The following DNHD1 variants were observed in gnomAD, a reference collection of about 807,000 sequenced individuals.
DNHD1 encodes dynein heavy chain domain 1.
In DNHD1, 383 loss-of-function variants were observed where a neutral mutation model predicts 458.1. That is an observed-to-expected ratio of 0.84 (90% confidence interval 0.77 to 0.91). The LOEUF is 0.91. Ranked by LOEUF, DNHD1 falls within the 40% of genes least tolerant of loss-of-function variation. The probability of loss-of-function intolerance (pLI) is 0.00; values close to 1 mark genes in which losing one functional copy is unlikely to be tolerated. For missense variants in DNHD1, 5,336 were observed against 5,866.1 expected (o/e 0.91, Z 2.95); for synonymous variants, 2,203 against 2,376.9 (o/e 0.93, Z 2.13).
chr11:6,546,121 G>A lies in DNHD1; in HGVS notation c.5182G>A (p.Gly1728Ser). Residue 1728 changes from glycine (G) to serine (S), a missense_variant, in exon 21 of 43, where the codon GGT becomes AGT. By Grantham distance (56) the Gly-to-Ser change is moderately conservative. Around this residue, in one of 4 missense-constraint regions of DNHD1, gnomAD observed 3,932 missense variants for 4,365.6 expected, o/e 0.90. Coordinates refer to ENST00000254579, the MANE Select transcript of DNHD1 (RefSeq NM_144666.3). ...TCAATGCCTGAGCAACTATCTGAATGGTGCCCTGCAGGGTGGTGCCTGGCT... is the reference window on the plus strand; with the variant it reads ...TCAATGCCTGAGCAACTATCTGAATAGTGCCCTGCAGGGTGGTGCCTGGCT... ...EAQCLSNYLN[G>S]ALQGGAWLLL... is the part of the protein sequence containing the mutation. The A allele has an allele frequency of 6.4e-7, 1 of 1,551,518 alleles. No homozygotes were observed. The highest frequency in any genetic ancestry group is 8.7e-7 in the Non-Finnish European group (1 of 1,146,810).
Position 6,562,827 on chromosome 11 carries a change from C to T in DNHD1, c.9520-155C>T, listed in dbSNP as rs55814372. On this transcript the variant is annotated intron_variant, in intron 28 of 42. Coordinates refer to ENST00000254579, the MANE Select transcript of DNHD1 (RefSeq NM_144666.3). ...AACTCACAGACTAATAAGTGACAGA[C>T]CCAGAGCTCAGCCTCTCTCTGTGGC... Among the ~76,000 whole-genome samples, 523 of 152,256 alleles carry T rather than the reference C, an allele frequency of 3.4e-3. 2 individuals are homozygous for T. Among genetic ancestry groups the T allele is most frequent in the Non-Finnish European group, 5.0e-3 (339 of 68,012 alleles).
At chr11:6,526,756 T>G (rs926359889) in intron 10 of DNHD1, among the ~76,000 whole-genome samples, 2 of 152,238 alleles carry the variant, frequency 1.3e-5, no homozygotes, top group African/African-American at 4.8e-5. Context: ...GAGCCCTGAC[T>G]GTTTGGTTTC....
chr11:6,567,000 G>A lies in DNHD1; in HGVS notation c.11491G>A (p.Ala3831Thr), dbSNP rs1853717033. 3.1e-6 allele frequency: 5 copies of A among 1,613,932 alleles called. No individual in the cohort carries two copies. In the African/African-American group the frequency reaches 6.7e-5, roughly 22 times the overall value. ...CCAAGGAAAGCTATGCCAGCTGCGT[G>A]CTCATTGTGAAGAGTTAGAAGGGCA... ...RAQGKLCQLR[A>T]HCEELEGQKL... Residue 3831 changes from alanine (A) to threonine (T), a missense_variant, in exon 36 of 43, where the codon GCT (alanine) becomes ACT (threonine). Physicochemically the swap from Ala to Thr is moderately conservative, Grantham distance 58 (BLOSUM62 0). This residue lies in a region of DNHD1 where 695 missense variants were observed against 804.2 expected (regional missense o/e 0.86). Transcript: ENST00000254579.
In DNHD1 at chr11:6,505,182, A is replaced by C. The variant is rs1266877793; in HGVS notation, c.920+2256A>C. 6.6e-6 allele frequency among the ~76,000 whole-genome samples: 1 copy of C among 151,748 alleles called. No individual in the cohort carries two copies. Among genetic ancestry groups the C allele is most frequent in the Non-Finnish European group, 1.5e-5 (1 of 67,978 alleles). On this transcript the variant is annotated intron_variant, in intron 4 of 42. Transcript: ENST00000254579. The surrounding 1 kb of genome is among the most constrained non-coding windows in gnomAD (Gnocchi z 4.4). The stretch of plus-strand genomic sequence containing the variant: ...TGCAAGGCCCCTCCTCCAACCTCAT[A>C]GCTTCTAATAACCTGAACCTCTTCC...
At position 6,548,902 on chromosome 11, in the gene DNHD1, C is replaced by A; in HGVS notation, c.7356C>A (p.Phe2452Leu). 1 of 1,551,732 alleles carries A rather than the reference C, an allele frequency of 6.4e-7. No individual in the cohort carries two copies. ...HHQDSKPSLL[F>L]LLEDLHLATS... ...AGGATTCTAAACCCTCCCTCCTCTT[C>A]TTGCTGGAGGACCTGCACCTAGCCA... The change falls in exon 24 of 43, where the codon TTC becomes TTA. Residue 2452 changes from phenylalanine to leucine, a missense_variant. Coordinates refer to ENST00000254579, the MANE Select transcript of DNHD1 (RefSeq NM_144666.3). This position sits in a 1 kb window ranked among gnomAD's most constrained non-coding sequence, Gnocchi z 4.4.
In DNHD1 at chr11:6,565,975, G is replaced by T; in HGVS notation, c.11037G>T (p.Gln3679His). ...ACCCAGAGCTGGGTTCTCAGCTCCA[G>T]GAGGCAGCTGCTTGTGGTGAGAGCT... ...GADPELGSQL[Q>H]EAAACGLPVL... is the part of the protein sequence containing the mutation. The change falls in exon 33 of 43, where the codon CAG becomes CAT. Residue 3679 changes from glutamine to histidine, a missense_variant. This residue lies in a region of DNHD1 where 695 missense variants were observed against 804.2 expected (regional missense o/e 0.86). Transcript: ENST00000254579. The T allele has an allele frequency of 6.4e-7, 1 of 1,551,632 alleles. No individual in the cohort carries two copies. Among genetic ancestry groups the T allele is most frequent in the Non-Finnish European group, 8.7e-7 (1 of 1,146,974 alleles).
At chr11:6,550,045 G>C (rs984631937) in intron 24 of DNHD1, among the ~76,000 whole-genome samples, 1 of 152,196 alleles carries the variant, frequency 6.6e-6, no homozygotes, top group South Asian at 2.1e-4. Flanking sequence ...TCTCTTATGA[G>C]ATGTAGAAAA....
chr11:6,551,020 C>T (rs1337380662), intron 24 of DNHD1, among the ~76,000 whole-genome samples: 1 of 152,164 alleles, frequency 6.6e-6, no homozygotes, highest in African/African-American at 2.4e-5. Flanking sequence ...ATTTACAAAA[C>T]ATTATACTCA....
intron 4 of DNHD1, chr11:6,508,503 A>G (rs1852270594): frequency 5.6e-6 from 1 of 177,176 alleles, no homozygotes; most frequent in East Asian, 1.6e-4. Flanking sequence ...TAAAATTGTG[A>G]TGCATCTTAC....
At position 6,533,908 on chromosome 11, in the gene DNHD1, G is replaced by T; in HGVS notation, c.2733G>T (p.Met911Ile). 1 of 1,551,106 alleles carries T rather than the reference G, an allele frequency of 6.4e-7. No homozygotes were observed. The highest frequency in any genetic ancestry group is 8.7e-7 in the Non-Finnish European group (1 of 1,146,864). Residue 911 changes from methionine to isoleucine, a missense_variant, in exon 14 of 43, where the codon ATG (methionine) becomes ATT (isoleucine). Physicochemically the swap from Met to Ile is conservative, Grantham distance 10. Transcript: ENST00000254579. ...CPLLAPQLLD[M>I]WEAFQFEKSQ... ...TGCTTGCCCCACAGCTTCTGGATAT[G>T]TGGGAGGCATTTCAGTTTGAGAAAA...
rs1852763946 is a variant in DNHD1, at chr11:6,528,623, T to G, written c.1939T>G (p.Leu647Val). 6.4e-7 allele frequency: 1 copy of G among 1,551,594 alleles called. No homozygotes were observed. The highest frequency in any genetic ancestry group is 1.4e-5 in the African/African-American group (1 of 73,050). The change falls in exon 11 of 43, where the codon TTG becomes GTG. Residue 647 changes from leucine (L) to valine (V), a missense_variant. By Grantham distance (32) the Leu-to-Val change is conservative. Around this residue, in one of 4 missense-constraint regions of DNHD1, gnomAD observed 3,932 missense variants for 4,365.6 expected, o/e 0.90. Transcript: ENST00000254579. ...CATCTTCTGTGGCCCGAATGTGGGATTGGTGTGGCCCTGGAAGTCTCACCC... is the reference window on the plus strand; with the variant it reads ...CATCTTCTGTGGCCCGAATGTGGGAGTGGTGTGGCCCTGGAAGTCTCACCC... ...VSIFCGPNVG[L>V]VWPWKSHPIA...
rs754468834 is a variant in DNHD1, at chr11:6,546,883, C to G, written c.5944C>G (p.Leu1982Val). 1 of 1,551,748 alleles carries G rather than the reference C, an allele frequency of 6.4e-7. No homozygotes were observed. Among genetic ancestry groups the G allele is most frequent in the Non-Finnish European group, 8.7e-7 (1 of 1,147,010 alleles). Reference protein sequence around the residue: ...LGSLEQLSQALSRASGILLLG... With the variant: ...LGSLEQLSQAVSRASGILLLG... Reference sequence around the variant, plus strand: ...GTCCTTGGAACAGTTGAGCCAGGCCCTGAGCCGGGCCTCAGGCATTCTGCT... The same window carrying G: ...GTCCTTGGAACAGTTGAGCCAGGCCGTGAGCCGGGCCTCAGGCATTCTGCT... The change falls in exon 21 of 43, where the codon CTG (leucine) becomes GTG (valine). Residue 1982 changes from leucine (L) to valine (V), a missense_variant. Around this residue, in one of 4 missense-constraint regions of DNHD1, gnomAD observed 3,932 missense variants for 4,365.6 expected, o/e 0.90. Coordinates refer to ENST00000254579, the MANE Select transcript of DNHD1 (RefSeq NM_144666.3).
rs1232660118 is a variant in DNHD1 at position 6,567,141 on chromosome 11, C to T, written c.11632C>T (p.Pro3878Ser). The change falls in exon 36 of 43, where the codon CCA becomes TCA. Residue 3878 changes from proline to serine, a missense_variant. By Grantham distance (74) the Pro-to-Ser change is moderately conservative (BLOSUM62 -1). This residue lies in a region of DNHD1 where 695 missense variants were observed against 804.2 expected (regional missense o/e 0.86). Coordinates refer to ENST00000254579, the MANE Select transcript of DNHD1 (RefSeq NM_144666.3). ...CCTGCTGCCACTTTTCTGTATGAGC[C>T]CAGAGAACTGGCTGGCAGTCACTAA... ...QNLLPLFCMS[P>S]ENWLAVTKQA... is the part of the protein sequence containing the mutation. 6.2e-7 allele frequency: 1 copy of T among 1,613,894 alleles called. No individual in the cohort carries two copies. The highest frequency in any genetic ancestry group is 1.3e-5 in the African/African-American group (1 of 74,910).
Position 6,564,589 on chromosome 11 carries a change from T to C in DNHD1, c.10541T>C (p.Leu3514Pro). 3.9e-6 allele frequency: 6 copies of C among 1,551,762 alleles called. No individual in the cohort carries two copies. Among genetic ancestry groups the C allele is most frequent in the Non-Finnish European group, 5.2e-6 (6 of 1,147,000 alleles). Residue 3514 changes from leucine to proline, a missense_variant, in exon 32 of 43, where the codon CTG becomes CCG. Physicochemically the swap from Leu to Pro is moderately conservative, Grantham distance 98. Coordinates refer to ENST00000254579, the MANE Select transcript of DNHD1 (RefSeq NM_144666.3). Reference sequence around the variant, plus strand: ...TCTCCCTTCAGTATTCTGTCCTTGCTGAGCTCTGAATCGGAGCAGTACCAG... The same window carrying C: ...TCTCCCTTCAGTATTCTGTCCTTGCCGAGCTCTGAATCGGAGCAGTACCAG... ...THSPFSILSL[L>P]SSESEQYQWD... is the part of the protein sequence containing the mutation.
chr11:6,506,284 A>G (rs1172750435), intron 4 of DNHD1, among the ~76,000 whole-genome samples: 1 of 152,218 alleles, frequency 6.6e-6, no homozygotes, highest in Admixed American at 6.5e-5. Context: ...CAGGTCCCAT[A>G]CCAAAAAGGA....
chr11:6,510,858 G>T (rs1004170498), intron 6 of DNHD1, among the ~76,000 whole-genome samples: 1 of 152,184 alleles, frequency 6.6e-6, no homozygotes, highest in Non-Finnish European at 1.5e-5. Flanking sequence ...GGGATGGGCA[G>T]CCCACAGAGA....
At chr11:6,568,905 C>T (rs541517553) in intron 39 of DNHD1, 39 bp downstream of exon 39, 19 of 1,564,032 alleles carry the variant, frequency 1.2e-5, no homozygotes, top group African/African-American at 2.7e-5. Flanking sequence ...GTCAATCACT[C>T]AACAAACATT....
intron 4 of DNHD1, among the ~76,000 whole-genome samples, chr11:6,504,985 C>A (rs531984310): frequency 6.6e-6 from 1 of 152,220 alleles, no homozygotes; most frequent in East Asian, 1.9e-4. Flanking sequence ...TGCCTACAAC[C>A]ATGACTGGCT....
rs992922409 is a variant in DNHD1, at chr11:6,566,068, C to T, written c.11053+77C>T. 3 of 1,506,082 alleles carry T rather than the reference C, an allele frequency of 2.0e-6. No individual in the cohort carries two copies. In the Admixed American group the frequency reaches 6.2e-5, roughly 31 times the overall value. 93.3% of individuals were successfully genotyped at this position (1,506,082 alleles called of 1,614,324 possible). A position where few individuals can be genotyped will look rare whatever the true frequency, so the allele number is the denominator to read the frequency against. ...GTGACCCCACAGGCCTCCCACACCT[C>T]AGTCTAACTTCAGTTCCCATCCTTC... is the stretch of plus-strand genomic sequence containing the variant. On this transcript the variant is annotated intron_variant, in intron 33 of 42. Coordinates refer to ENST00000254579, the MANE Select transcript of DNHD1 (RefSeq NM_144666.3).
Sources: gnomAD v4.1 joint callset for allele counts (sites outside exome capture counted in the v4.1 genomes callset) on GRCh38, gnomAD v4.1.1 for gene constraint, gnomAD v4.1.1 regional missense constraint, Gnocchi (gnomAD v3.1) non-coding constraint, MANE v1.5 for transcripts, NCBI Gene and HGNC (gene_info 2026-07-23, HGNC 2026-07-21) for gene names.